Variants in ZNF564 observed in about 807,000 individuals in gnomAD.
ZNF564 encodes zinc finger protein 564.
Under a neutral mutation model 10.5 loss-of-function variants are expected in ZNF564, and 5 were observed. That is an observed-to-expected ratio of 0.48 (90% CI 0.25 to 1.00). ZNF564 has a LOEUF of 1.00. Among genes scored for constraint, ZNF564 ranks in the 50% least tolerant of loss-of-function variants. The probability of loss-of-function intolerance (pLI) is 0.16; values close to 1 mark genes in which losing one functional copy is unlikely to be tolerated. For missense variants in ZNF564, 603 were observed against 669.7 expected (o/e 0.90, Z 1.10); for synonymous variants, 242 against 218.1 (o/e 1.11, Z -0.97).
At chr19:12,546,096 GCAGA>G (rs953412022) in intron 1 of ZNF564, among the ~76,000 whole-genome samples, 12 of 152,152 alleles carry the variant, frequency 7.9e-5, no homozygotes, top group African/African-American at 2.9e-4. Context: ...CCCAGGAACT[GCAGA>G]CAAACACCAA....
intron 1 of ZNF564, among the ~76,000 whole-genome samples, chr19:12,544,071 CAT>C (rs1394035752): frequency 6.6e-6 from 1 of 152,172 alleles, no homozygotes; most frequent in African/African-American, 2.4e-5. Context: ...GTGAAAACTA[CAT>C]GTGTGCTGTT....
chr19:12,528,260 A>G (rs771121632), intron 3 of ZNF564, 44 bp downstream of exon 3: 19 of 1,536,678 alleles, frequency 1.2e-5, no homozygotes, highest in Non-Finnish European at 1.7e-5. Flanking sequence ...ATTTCATGAC[A>G]TACTAAGAAG....
intron 1 of ZNF564, among the ~76,000 whole-genome samples, chr19:12,544,919 A>G (rs1182823910): frequency 6.6e-6 from 1 of 152,138 alleles, no homozygotes; most frequent in Non-Finnish European, 1.5e-5. Flanking sequence ...AGAAGGTTAA[A>G]CAAGCCTGAG....
intron 1 of ZNF564, among the ~76,000 whole-genome samples, chr19:12,545,330 C>T (rs1160262972): frequency 6.6e-6 from 1 of 151,776 alleles, no homozygotes; most frequent in African/African-American, 2.4e-5. Flanking sequence ...CCCTACTCTC[C>T]TCTCCTCATG....
chr19:12,541,066 CAAAAAAAAAAA>C (rs35848835), intron 1 of ZNF564, among the ~76,000 whole-genome samples: 1 of 59,736 alleles, frequency 1.7e-5, no homozygotes, highest in Non-Finnish European at 2.8e-5. Context: ...CCTGTCTCTA[CAAAAAAAAAAA>C]AAAAAAAAAA....
intron 1 of ZNF564, among the ~76,000 whole-genome samples, chr19:12,528,949 C>T (rs7247932): frequency 0.58 from 88,047 of 151,994 alleles, 27,467 homozygotes; most frequent in Non-Finnish European, 0.69. Flanking sequence ...CTGTTAATCC[C>T]GGCTACTCAG....
chr19:12,535,489 A>G (rs2021889898), intron 1 of ZNF564, among the ~76,000 whole-genome samples: 1 of 152,202 alleles, frequency 6.6e-6, no homozygotes, highest in Non-Finnish European at 1.5e-5. Flanking sequence ...GGGACATGAA[A>G]AAGTCTTTGG....
chr19:12,537,460 C>T (rs188590397), intron 1 of ZNF564, among the ~76,000 whole-genome samples: 6 of 152,088 alleles, frequency 3.9e-5, no homozygotes, highest in Admixed American at 1.3e-4. Flanking sequence ...TTTTCTAAGC[C>T]GGGCGTGGTG....
chr19:12,526,933 G>T lies in ZNF564; in HGVS notation c.1175C>A (p.Pro392His). 1 of 1,614,126 alleles carries T rather than the reference G, an allele frequency of 6.2e-7. No homozygotes were observed. ...TCTACCACATACCTGACATTTATAA[G>T]GTCCATCTCCAGTGTGCTTTATCAT... ...RHMIKHTGDG[P>H]YKCQVCGRAF... The change falls in exon 4 of 4, where the codon CCT becomes CAT. Residue 392 changes from proline (P) to histidine (H), a missense_variant. By Grantham distance (77) the Pro-to-His change is moderately conservative. Coordinates refer to ENST00000339282, the MANE Select transcript of ZNF564 (RefSeq NM_144976.4).
intron 1 of ZNF564, chr19:12,548,834 C>A (rs1321195561): frequency 8.5e-6 from 6 of 702,784 alleles, no homozygotes; most frequent in Non-Finnish European, 1.6e-5. Context: ...GGATACAGAA[C>A]AGTTATCCAT....
Position 12,527,264 on chromosome 19 carries a change from C to T in ZNF564, c.844G>A (p.Glu282Lys). ...AAGGCCTTCCCACACTGTTTACATT[C>T]ATGGGGTTTCTCTCCAGTATGAGTT... ...ERTHTGEKPH[E>K]CKQCGKAFIS... Residue 282 changes from glutamate (E) to lysine (K), a missense_variant, in exon 4 of 4, where the codon GAA becomes AAA. Physicochemically the swap from Glu to Lys is moderately conservative, Grantham distance 56 (BLOSUM62 1). Transcript: ENST00000339282. The T allele has an allele frequency of 1.2e-6, 2 of 1,614,086 alleles. No homozygotes were observed. Among genetic ancestry groups the T allele is most frequent in the Non-Finnish European group, 1.7e-6 (2 of 1,180,026 alleles).
At chr19:12,537,162 T>C (rs1351514289) in intron 1 of ZNF564, among the ~76,000 whole-genome samples, 1 of 152,230 alleles carries the variant, frequency 6.6e-6, no homozygotes, top group Non-Finnish European at 1.5e-5. Context: ...GGTAGAATTA[T>C]ATTCCACTGG....
At chr19:12,536,789 C>A (rs968625361) in intron 1 of ZNF564, among the ~76,000 whole-genome samples, 2 of 152,116 alleles carry the variant, frequency 1.3e-5, no homozygotes, top group Non-Finnish European at 2.9e-5. Flanking sequence ...ACATCCAGCC[C>A]TGAAGTCTTA....
At position 12,526,634 on chromosome 19, in the gene ZNF564, T is replaced by C. The variant is rs781164741; in HGVS notation, c.1474A>G (p.Ile492Val). Residue 492 changes from isoleucine (I) to valine (V), a missense_variant, in exon 4 of 4, where the codon ATT becomes GTT. Transcript: ENST00000339282. ...GTATGAGTTCTTTCATGTATTCTAA[T>C]GGAACTGGCATAATTGAATGCTTTC... Reference protein sequence around the residue: ...CGKAFNYASSIRIHERTHTGE... With the variant: ...CGKAFNYASSVRIHERTHTGE... 6.2e-7 allele frequency: 1 copy of C among 1,614,078 alleles called. No homozygotes were observed. The highest frequency in any genetic ancestry group is 1.1e-5 in the South Asian group (1 of 91,060).
At chr19:12,547,380 T>G (rs2022174527) in intron 1 of ZNF564, among the ~76,000 whole-genome samples, 1 of 152,162 alleles carries the variant, frequency 6.6e-6, no homozygotes, top group Non-Finnish European at 1.5e-5. Flanking sequence ...GCCTAACCTC[T>G]GGGATGCTTG....
Position 12,526,896 on chromosome 19 carries a change from ACAGT to A in ZNF564, c.1208_1211del (p.Asp403ValfsTer37). 2.5e-6 allele frequency: 4 copies of A among 1,613,908 alleles called. No individual in the cohort carries two copies. Among genetic ancestry groups the A allele is most frequent in the Non-Finnish European group, 1.7e-6 (2 of 1,179,986 alleles). ...TTTCGTGTATTTGAAATGAACTGGG[ACAGT>A]CAAAGGCTCTACCACATACCTGACA... On this transcript the variant is annotated frameshift_variant, in exon 4 of 4. Coordinates refer to ENST00000339282, the MANE Select transcript of ZNF564 (RefSeq NM_144976.4). LOFTEE classifies it low-confidence loss of function (END_TRUNC).
chr19:12,528,231 T>G, intron 3 of ZNF564, 73 bp downstream of exon 3: 21 of 1,388,920 alleles, frequency 1.5e-5, no homozygotes, highest in Non-Finnish European at 2.1e-5. Flanking sequence ...GCTTACTGGT[T>G]TGTTTACTTA....
chr19:12,541,939 C>T (rs887757096), intron 1 of ZNF564, among the ~76,000 whole-genome samples: 4 of 139,712 alleles, frequency 2.9e-5, no homozygotes, highest in Admixed American at 1.6e-4. Context: ...CGCTTGAACC[C>T]GGGAGAGAAG....
Position 12,546,511 on chromosome 19 carries a change from G to A in ZNF564, c.3+4819C>T, listed in dbSNP as rs530298383. Among the ~76,000 whole-genome samples the A allele has an allele frequency of 2.6e-5, 4 of 152,136 alleles. No homozygotes were observed. In the South Asian group the frequency reaches 6.2e-4, roughly 24 times the overall value. On this transcript the variant is annotated intron_variant, in intron 1 of 3. Transcript: ENST00000339282. ...TGGGAGGCCGAGGTGGACGGATCAC[G>A]AGGTCAAGAATCAAGATCATCCTGG...
Sources: allele counts gnomAD v4.1 joint callset (sites outside exome capture counted in the v4.1 genomes callset), GRCh38; gene constraint gnomAD v4.1.1; transcripts MANE v1.5; gene names NCBI Gene and HGNC (gene_info 2026-07-23, HGNC 2026-07-21).